PDE4D: variants seen among roughly 807,000 people sequenced by gnomAD.
The protein encoded by PDE4D is phosphodiesterase 4D.
PDE4D carries 24 observed loss-of-function variants against 87.4 expected under a neutral mutation model. That is an observed-to-expected ratio of 0.27 (90% CI 0.20 to 0.39). The LOEUF is 0.39. Among genes scored for constraint, PDE4D ranks in the 10% least tolerant of loss-of-function variants. PDE4D has a pLI of 1.00. For missense variants in PDE4D, 714 were observed against 1,041.0 expected (o/e 0.69, Z 4.32); for synonymous variants, 384 against 383.2 (o/e 1.00, Z -0.02).
At chr5:59,713,772 G>C (rs538357672) in intron 1 of PDE4D, among the ~76,000 whole-genome samples, 2 of 152,190 alleles carry the variant, frequency 1.3e-5, no homozygotes, top group Non-Finnish European at 2.9e-5. Context: ...GCAGCTGGAA[G>C]TGCAGAGCAC....
chr5:59,540,960 C>T (rs1816234105), intron 1 of PDE4D, among the ~76,000 whole-genome samples: 1 of 152,024 alleles, frequency 6.6e-6, no homozygotes, highest in Non-Finnish European at 1.5e-5. Context: ...TTTCAATATT[C>T]ATTTTAGGAA....
intron 3 of PDE4D, among the ~76,000 whole-genome samples, chr5:59,916,498 T>C (rs1418855489): frequency 3.9e-5 from 6 of 152,202 alleles, no homozygotes; most frequent in Admixed American, 6.5e-5. Flanking sequence ...ACTGCACTTA[T>C]TAAAAGGTAA....
chr5:60,449,409 C>T (rs1264056873), intron 1 of PDE4D, among the ~76,000 whole-genome samples: 3 of 148,038 alleles, frequency 2.0e-5, no homozygotes, highest in African/African-American at 5.0e-5. Flanking sequence ...AACCAAACAC[C>T]GCATATTCTC....
In PDE4D at chr5:59,651,282, T is replaced by G. The variant is rs948103067; in HGVS notation, c.455+241886A>C. On this transcript the variant is annotated intron_variant, in intron 1 of 14. Transcript: ENST00000340635. Reference sequence around the variant, plus strand: ...ACAATAATAATAATAATAATAATAATAATAATAATAATAATAATAATAATT... The same window carrying G: ...ACAATAATAATAATAATAATAATAAGAATAATAATAATAATAATAATAATT... Among the ~76,000 whole-genome samples the G allele has an allele frequency of 3.8e-4, 54 of 143,988 alleles. 1 individual carries two copies. The East Asian group carries it at 6.3e-3, about 17-fold the overall frequency. The allele number at this position is 143,988 out of a possible 152,430, so 94.5% of individuals were successfully genotyped here.
At chr5:59,562,544 A>T (rs918160123) in intron 1 of PDE4D, among the ~76,000 whole-genome samples, 1 of 152,224 alleles carries the variant, frequency 6.6e-6, no homozygotes, top group African/African-American at 2.4e-5. Flanking sequence ...ATGGAAATTC[A>T]TTTCCAAATA....
At position 59,703,602 on chromosome 5, in the gene PDE4D, A is replaced by G. The variant is rs377144626; in HGVS notation, c.455+189566T>C. 205 of 534,548 alleles carry G rather than the reference A, an allele frequency of 3.8e-4. 1 individual carries two copies. The highest frequency in any genetic ancestry group is 1.0e-3 in the Admixed American group (54 of 51,594). 33.1% of individuals were successfully genotyped at this position (534,548 alleles called of 1,614,324 possible). A position where few individuals can be genotyped will look rare whatever the true frequency, so the allele number is the denominator to read the frequency against. On this transcript the variant is annotated intron_variant, in intron 1 of 14. Transcript: ENST00000340635. ...TTCTTTGTCCCCAGCCGACTTCACA[A>G]TGAAATGTTTCTACTTTGCACCCTT...
intron 1 of PDE4D, chr5:59,768,170 C>G: frequency 1.9e-6 from 3 of 1,544,596 alleles, no homozygotes; most frequent in Non-Finnish European, 2.6e-6. Context: ...CTCCCTACCC[C>G]CAAAATTAAA....
At chr5:60,215,326 T>A (rs1385261642) in intron 1 of PDE4D, among the ~76,000 whole-genome samples, 1 of 152,146 alleles carries the variant, frequency 6.6e-6, no homozygotes, top group Non-Finnish European at 1.5e-5. Context: ...GAGCAGAGGT[T>A]AAGGCTACTT....
intron 1 of PDE4D, among the ~76,000 whole-genome samples, chr5:60,301,306 C>T (rs4699953): frequency 0.27 from 41,394 of 152,058 alleles, 6,885 homozygotes; most frequent in African/African-American, 0.46. Context: ...CTTTAGGCAG[C>T]ATGACCATTT....
At chr5:60,170,148 A>T (rs984405488) in intron 2 of PDE4D, among the ~76,000 whole-genome samples, 5 of 152,044 alleles carry the variant, frequency 3.3e-5, no homozygotes, top group African/African-American at 1.2e-4. Context: ...GGAATAGCCA[A>T]CCTAGAATAT....
chr5:58,985,949 C>T (rs1027234325), intron 11 of PDE4D, among the ~76,000 whole-genome samples: 7 of 152,194 alleles, frequency 4.6e-5, no homozygotes, highest in Admixed American at 1.3e-4. Flanking sequence ...TGATAATGCC[C>T]TGGGGCCCGG....
At chr5:59,788,493 G>T (rs562812386) in intron 1 of PDE4D, among the ~76,000 whole-genome samples, 1 of 152,180 alleles carries the variant, frequency 6.6e-6, no homozygotes, top group Non-Finnish European at 1.5e-5. Flanking sequence ...ATATAATTCC[G>T]TACAGTATCA....
At chr5:59,421,988 G>A (rs1461217925) in intron 1 of PDE4D, among the ~76,000 whole-genome samples, 3 of 152,196 alleles carry the variant, frequency 2.0e-5, no homozygotes, top group Admixed American at 6.5e-5. Flanking sequence ...ATGATTGAAC[G>A]TGGGAGGAAG....
At chr5:59,413,258 C>A (rs982987657) in intron 1 of PDE4D, among the ~76,000 whole-genome samples, 2 of 151,956 alleles carry the variant, frequency 1.3e-5, no homozygotes, top group East Asian at 3.9e-4. Flanking sequence ...GAGATCGAGA[C>A]CATCCTGGCT....
At chr5:59,692,317 G>A (rs1404363760) in intron 1 of PDE4D, among the ~76,000 whole-genome samples, 1 of 152,082 alleles carries the variant, frequency 6.6e-6, no homozygotes, top group African/African-American at 2.4e-5. Context: ...TGTAATTTGT[G>A]CTGCTTGCCT....
At chr5:59,025,806 G>A (rs1323275167) in intron 6 of PDE4D, among the ~76,000 whole-genome samples, 2 of 152,226 alleles carry the variant, frequency 1.3e-5, no homozygotes, top group Non-Finnish European at 2.9e-5. Flanking sequence ...CCGCATCTTT[G>A]CCTCTTTGCT....
chr5:59,815,390 T>C (rs1473236029), intron 1 of PDE4D, among the ~76,000 whole-genome samples: 1 of 152,192 alleles, frequency 6.6e-6, no homozygotes, highest in Non-Finnish European at 1.5e-5. Context: ...TTGGTGAGGA[T>C]GGACCACAGG....
intron 1 of PDE4D, among the ~76,000 whole-genome samples, chr5:59,861,162 C>T (rs1037926570): frequency 1.3e-5 from 2 of 152,044 alleles, no homozygotes; most frequent in African/African-American, 2.4e-5. Context: ...TGAGCCACTG[C>T]GCCCGGCCCA....
At chr5:59,418,976 T>C (rs1486228001) in intron 1 of PDE4D, among the ~76,000 whole-genome samples, 1 of 152,180 alleles carries the variant, frequency 6.6e-6, no homozygotes, top group Non-Finnish European at 1.5e-5. Flanking sequence ...CTTTATGGTC[T>C]TCAGTAAGAC....
Sources: gnomAD v4.1 joint callset for allele counts (sites outside exome capture counted in the v4.1 genomes callset) on GRCh38, gnomAD v4.1.1 for gene constraint, MANE v1.5 for transcripts, NCBI Gene and HGNC (gene_info 2026-07-23, HGNC 2026-07-21) for gene names.